ZBTB4: variants seen among roughly 807,000 people sequenced by gnomAD.
ZBTB4 encodes the protein zinc finger and BTB domain-containing protein 4.
Under a neutral mutation model 59.8 loss-of-function variants are expected in ZBTB4, and 14 were observed. The ratio of observed to expected loss-of-function variants is 0.23; its 90% confidence interval spans 0.15 to 0.37. The LOEUF (loss-of-function observed/expected upper bound fraction) is 0.37, where lower values mean the gene tolerates loss of function less well. Among genes scored for constraint, ZBTB4 ranks in the 10% least tolerant of loss-of-function variants. The pLI, the probability that ZBTB4 is intolerant of heterozygous loss-of-function variation, is 1.00. For missense variants in ZBTB4, 1,198 were observed against 1,380.8 expected (o/e 0.87, Z 2.10); for synonymous variants, 587 against 575.2 (o/e 1.02, Z -0.29).
upstream of ZBTB4, chr17:7,482,718 T>C (rs761273574): frequency 1.7e-5 from 27 of 1,611,906 alleles, no homozygotes; most frequent in Admixed American, 5.0e-5. Flanking sequence ...CAGCCCCCCG[T>C]GTTGCCCAGT....
At position 7,462,388 on chromosome 17, in the gene ZBTB4, C is replaced by T; in HGVS notation, c.2594G>A (p.Gly865Asp). The T allele has an allele frequency of 1.2e-6, 2 of 1,613,900 alleles. No homozygotes were observed. Among genetic ancestry groups the T allele is most frequent in the East Asian group, 4.5e-5 (2 of 44,874 alleles). Residue 865 changes from glycine to aspartate, a missense_variant, in exon 4 of 4, where the codon GGC becomes GAC. Transcript: ENST00000380599. This position sits in a 1 kb window ranked among gnomAD's most constrained non-coding sequence, Gnocchi z 7.5. The part of the protein sequence containing the change: ...GEEPPVVASG[G>D]SYVYPPVQEF... ...CTGCACAGGTGGGTATACATAGCTG[C>T]CCCCGCTTGCCACTACTGGGGGCTC...
chr17:7,474,544 T>A (rs2070243497), intron 1 of ZBTB4, among the ~76,000 whole-genome samples: 1 of 152,070 alleles, frequency 6.6e-6, no homozygotes, highest in South Asian at 2.1e-4. Context: ...GTCTGCTTTG[T>A]TCATTGCCGT....
upstream of ZBTB4, chr17:7,483,366 C>T: frequency 3.2e-6 from 1 of 317,204 alleles, no homozygotes; most frequent in East Asian, 7.0e-5. Flanking sequence ...GAGCCAGCAG[C>T]TGCGGTGGGG....
rs1475071696 is a variant in ZBTB4 at position 7,461,589 on chromosome 17, CAG to C, written c.*349_*350del. On this transcript the variant is annotated 3_prime_UTR_variant, in exon 4 of 4. Coordinates refer to ENST00000380599, the MANE Select transcript of ZBTB4 (RefSeq NM_001128833.2). ...GATGGTTTCCCCTAGGTTTACGAAT[CAG>C]GGGAGCAGGTTAGACATTCAGAGCT... 4.9e-6 allele frequency: 1 copy of C among 205,952 alleles called. No individual in the cohort carries two copies. The highest frequency in any genetic ancestry group is 1.2e-4 in the East Asian group (1 of 8,506). 12.8% of individuals were successfully genotyped at this position (205,952 alleles called of 1,614,324 possible). A position where few individuals can be genotyped will look rare whatever the true frequency, so the allele number is the denominator to read the frequency against.
rs1488444047 is a variant in ZBTB4 at position 7,465,923 on chromosome 17, T to C, written c.879A>G (p.Arg293=). The change falls in exon 3 of 4, where the codon CGA becomes CGG. Residue 293 remains arginine (R), a synonymous_variant. Transcript: ENST00000380599. ...ASALPPPVGF[R]GGPEHVVKVV... is the part of the protein sequence containing the mutation. Reference sequence around the variant, plus strand: ...CCTTCACCACGTGCTCGGGGCCCCCTCGGAAGCCCACTGGTGGAGGCAGGG... The same window carrying C: ...CCTTCACCACGTGCTCGGGGCCCCCCCGGAAGCCCACTGGTGGAGGCAGGG... 2 of 1,610,106 alleles carry C rather than the reference T, an allele frequency of 1.2e-6. No individual in the cohort carries two copies. The highest frequency in any genetic ancestry group is 1.7e-6 in the Non-Finnish European group (2 of 1,177,390).
rs775889094 is a variant in ZBTB4 at position 7,465,883 on chromosome 17, C to T, written c.919G>A (p.Val307Met). Residue 307 changes from valine to methionine, a missense_variant, in exon 3 of 4, where the codon GTG (valine) becomes ATG (methionine). By Grantham distance (21) the Val-to-Met change is conservative (BLOSUM62 1). This residue lies in a region of ZBTB4 where 204 missense variants were observed against 205.5 expected (regional missense o/e 0.99). Coordinates refer to ENST00000380599, the MANE Select transcript of ZBTB4 (RefSeq NM_001128833.2). ...TCGCAGGCCGCGCACACATACAGCA[C>T]GTGGCCGCCCACCACCTTCACCACG... The part of the protein sequence containing the change: ...EHVVKVVGGH[V>M]LYVCAACERS... The T allele has an allele frequency of 8.7e-6, 14 of 1,613,686 alleles. No homozygotes were observed. Among genetic ancestry groups the T allele is most frequent in the African/African-American group, 4.0e-5 (3 of 74,942 alleles).
In ZBTB4 at chr17:7,463,207, G is replaced by T. The variant is rs1046203856; in HGVS notation, c.1775C>A (p.Pro592His). The T allele has an allele frequency of 6.2e-7, 1 of 1,609,022 alleles. No individual in the cohort carries two copies. The highest frequency in any genetic ancestry group is 1.7e-5 in the Admixed American group (1 of 59,716). The change falls in exon 4 of 4, where the codon CCC (proline) becomes CAC (histidine). Residue 592 changes from proline (P) to histidine (H), a missense_variant. Transcript: ENST00000380599. ...TGGAGGTGGAGCCTGCAGCTGAGAG[G>T]GGCCCCGGCCAGCCCCTGTGGGGGG... ...GGPPTGAGRG[P>H]SQLQAPPPLC...
intron 3 of ZBTB4, 28 bp downstream of exon 3, chr17:7,465,683 C>T (rs766638056): frequency 2.3e-5 from 36 of 1,566,012 alleles, no homozygotes; most frequent in South Asian, 9.6e-5. Flanking sequence ...AGCCTCCAGC[C>T]GCTCCCCCGC....
intron 3 of ZBTB4, among the ~76,000 whole-genome samples, chr17:7,464,785 C>T (rs1317572664): frequency 6.7e-6 from 1 of 149,458 alleles, no homozygotes. Flanking sequence ...TTGCACTGAG[C>T]TGAGATTGCG....
At chr17:7,465,030 C>T (rs1011411785) in intron 3 of ZBTB4, among the ~76,000 whole-genome samples, 7 of 150,984 alleles carry the variant, frequency 4.6e-5, no homozygotes, top group Non-Finnish European at 7.4e-5. Flanking sequence ...ATGGCGGGCG[C>T]CTGTAGTCCC....
chr17:7,461,867 G>T lies in ZBTB4; in HGVS notation c.*73C>A. 1.5e-6 allele frequency: 2 copies of T among 1,372,722 alleles called. No homozygotes were observed. The highest frequency in any genetic ancestry group is 2.0e-6 in the Non-Finnish European group (2 of 1,008,490). 85.0% of individuals were successfully genotyped at this position (1,372,722 alleles called of 1,614,324 possible). On this transcript the variant is annotated 3_prime_UTR_variant, in exon 4 of 4. Transcript: ENST00000380599. ...TGAAGGGGCTCCCAAGGGGCAGGGA[G>T]GCCAGGGAGCTGGTAGTGGTGGGGG...
Position 7,462,194 on chromosome 17 carries a change from G to C in ZBTB4, c.2788C>G (p.Leu930Val), listed in dbSNP as rs1301528726. The part of the protein sequence containing the change: ...EPYPLVYGPQ[L>V]LAAYPYNFSN... ...AAGTTGTAAGGGTAGGCGGCAAGGA[G>C]CTGGGGGCCATAGACGAGCGGGTAG... is the stretch of plus-strand genomic sequence containing the variant. The change falls in exon 4 of 4, where the codon CTC becomes GTC. Residue 930 changes from leucine to valine, a missense_variant. By Grantham distance (32) the Leu-to-Val change is conservative. This residue lies in a region of ZBTB4 where 211 missense variants were observed against 236.1 expected (regional missense o/e 0.89). Coordinates refer to ENST00000380599, the MANE Select transcript of ZBTB4 (RefSeq NM_001128833.2). This position sits in a 1 kb window ranked among gnomAD's most constrained non-coding sequence, Gnocchi z 7.5. The C allele has an allele frequency of 1.2e-6, 2 of 1,613,892 alleles. No homozygotes were observed. Among genetic ancestry groups the C allele is most frequent in the Middle Eastern group, 1.7e-4 (1 of 6,060 alleles).
chr17:7,480,789 G>A (rs1333570959), upstream of ZBTB4, among the ~76,000 whole-genome samples: 1 of 151,990 alleles, frequency 6.6e-6, no homozygotes, highest in South Asian at 2.1e-4. Context: ...TTAATGTAAA[G>A]CCACAGAGCT....
chr17:7,465,042 G>C (rs1465755380), intron 3 of ZBTB4, among the ~76,000 whole-genome samples: 1 of 150,908 alleles, frequency 6.6e-6, no homozygotes, highest in Non-Finnish European at 1.5e-5. Context: ...TGTAGTCCCA[G>C]CTACTCGGGA....
Position 7,463,191 on chromosome 17 carries a change from A to G in ZBTB4, c.1791T>C (p.Ala597=). 1 of 1,607,870 alleles carries G rather than the reference A, an allele frequency of 6.2e-7. No homozygotes were observed. Among genetic ancestry groups the G allele is most frequent in the East Asian group, 2.2e-5 (1 of 44,796 alleles). The change falls in exon 4 of 4, where the codon GCT becomes GCC. Residue 597 remains alanine (A), a synonymous_variant. Coordinates refer to ENST00000380599, the MANE Select transcript of ZBTB4 (RefSeq NM_001128833.2). ...CAGTGATCTGACACAGTGGAGGTGG[A>G]GCCTGCAGCTGAGAGGGGCCCCGGC... ...GAGRGPSQLQ[A]PPPLCQITVR...
intron 1 of ZBTB4, among the ~76,000 whole-genome samples, chr17:7,477,674 C>T (rs1202510317): frequency 6.6e-6 from 1 of 152,158 alleles, no homozygotes; most frequent in African/African-American, 2.4e-5. Context: ...CTTCCACCGT[C>T]GCAGGAGTGG....
upstream of ZBTB4, among the ~76,000 whole-genome samples, chr17:7,480,883 G>A (rs1265954652): frequency 2.6e-5 from 4 of 151,958 alleles, no homozygotes; most frequent in South Asian, 2.1e-4. Flanking sequence ...GGCTGGGCAC[G>A]GTGGCTCATG....
At position 7,462,934 on chromosome 17, in the gene ZBTB4, C is replaced by G. The variant is rs752971655; in HGVS notation, c.2048G>C (p.Ser683Thr). Residue 683 changes from serine to threonine, a missense_variant, in exon 4 of 4, where the codon AGT becomes ACT. This residue lies in a region of ZBTB4 where 550 missense variants were observed against 541.8 expected (regional missense o/e 1.02). Coordinates refer to ENST00000380599, the MANE Select transcript of ZBTB4 (RefSeq NM_001128833.2). This position sits in a 1 kb window ranked among gnomAD's most constrained non-coding sequence, Gnocchi z 7.5. ...KRKAGAAGGASVGGSGLPRGR... is the reference protein window; with the variant it reads ...KRKAGAAGGATVGGSGLPRGR... Reference sequence around the variant, plus strand: ...TCGGGGCAGCCCACTGCCCCCCACACTGGCACCTCCAGCAGCTCCAGCCTT... The same window carrying G: ...TCGGGGCAGCCCACTGCCCCCCACAGTGGCACCTCCAGCAGCTCCAGCCTT... 5 of 1,609,164 alleles carry G rather than the reference C, an allele frequency of 3.1e-6. No individual in the cohort carries two copies. The highest frequency in any genetic ancestry group is 3.4e-6 in the Non-Finnish European group (4 of 1,178,786).
In ZBTB4 at chr17:7,474,220, C is replaced by CTTTTTTT. The variant is rs67462449; in HGVS notation, c.-81+5229_-81+5235dup. On this transcript the variant is annotated intron_variant, in intron 1 of 3. Coordinates refer to ENST00000380599, the MANE Select transcript of ZBTB4 (RefSeq NM_001128833.2). ...ACAGGCATGAGCCACCATGGCCAGA[C>CTTTTTTT]TTTTTTTTTTTTTGACATGAGGTCT... Among the ~76,000 whole-genome samples the CTTTTTTT allele has an allele frequency of 1.8e-4, 21 of 116,116 alleles. 5 individuals carry two copies. The highest frequency in any genetic ancestry group is 5.6e-4 in the South Asian group (2 of 3,558). 76.2% of individuals were successfully genotyped at this position (116,116 alleles called of 152,430 possible).
Sources: gnomAD v4.1 joint callset for allele counts (sites outside exome capture counted in the v4.1 genomes callset) on GRCh38, gnomAD v4.1.1 for gene constraint, gnomAD v4.1.1 regional missense constraint, Gnocchi (gnomAD v3.1) non-coding constraint, MANE v1.5 for transcripts, NCBI Gene and HGNC (gene_info 2026-07-23, HGNC 2026-07-21) for gene names.